Variants in SLC39A12 observed in about 807,000 individuals in gnomAD.
The protein encoded by SLC39A12 is solute carrier family 39 member 12, also known as zinc transporter ZIP12.
Under a neutral mutation model 71.1 loss-of-function variants are expected in SLC39A12, and 63 were observed. That is an observed-to-expected ratio of 0.89 (90% confidence interval 0.72 to 1.09). The LOEUF (loss-of-function observed/expected upper bound fraction) is 1.09, where lower values mean the gene tolerates loss of function less well. Ranked by LOEUF, SLC39A12 falls within the 50% of genes least tolerant of loss-of-function variation. The probability of loss-of-function intolerance (pLI) is 0.00; values close to 1 mark genes in which losing one functional copy is unlikely to be tolerated. For missense variants in SLC39A12, 892 were observed against 812.6 expected (o/e 1.10, Z -1.19); for synonymous variants, 351 against 301.3 (o/e 1.16, Z -1.71).
intron 2 of SLC39A12, among the ~76,000 whole-genome samples, chr10:17,960,168 A>T (rs1318432534): frequency 3.3e-5 from 5 of 152,052 alleles, no homozygotes; most frequent in African/African-American, 7.2e-5. Flanking sequence ...GAAACCAAAA[A>T]TTTTTTTTAA....
At chr10:17,995,285 A>G (rs757923723) in intron 9 of SLC39A12, among the ~76,000 whole-genome samples, 3 of 152,206 alleles carry the variant, frequency 2.0e-5, no homozygotes, top group Non-Finnish European at 2.9e-5. Flanking sequence ...TAAGTCCACA[A>G]TCCACCATAC....
chr10:18,039,528 G>C (rs1837159750), intron 12 of SLC39A12, among the ~76,000 whole-genome samples: 2 of 152,158 alleles, frequency 1.3e-5, no homozygotes, highest in Non-Finnish European at 2.9e-5. Flanking sequence ...CGGCATTTGT[G>C]ATCAGCCTAG....
At chr10:18,016,143 T>C (rs1836375189) in intron 12 of SLC39A12, among the ~76,000 whole-genome samples, 1 of 152,202 alleles carries the variant, frequency 6.6e-6, no homozygotes, top group Non-Finnish European at 1.5e-5. Context: ...CACCATTGTA[T>C]CATACGGAAT....
In SLC39A12 at chr10:18,036,779, TATATATA is replaced by T. The variant is rs1837050779; in HGVS notation, c.1948-5925_1948-5919del. ...ATATATATATATATATATATATATA[TATATATA>T]TATATATATTTTTTTTTTTAATGGA... On this transcript the variant is annotated intron_variant, in intron 12 of 12. Coordinates refer to ENST00000377369, the MANE Select transcript of SLC39A12 (RefSeq NM_001145195.2). 7.2e-4 allele frequency among the ~76,000 whole-genome samples: 12 copies of T among 16,570 alleles called. 1 individual carries two copies. Among genetic ancestry groups the T allele is most frequent in the African/African-American group, 1.9e-3 (11 of 5,796 alleles). The allele number at this position is 16,570 out of a possible 152,430, so 10.9% of individuals were successfully genotyped here. A position where few individuals can be genotyped will look rare whatever the true frequency, so the allele number is the denominator to read the frequency against.
intron 12 of SLC39A12, among the ~76,000 whole-genome samples, chr10:18,041,025 G>A (rs1193478657): frequency 6.6e-6 from 1 of 152,026 alleles, no homozygotes; most frequent in Non-Finnish European, 1.5e-5. Flanking sequence ...TCACAATGAA[G>A]GATGATCTGG....
At position 18,007,679 on chromosome 10, in the gene SLC39A12, T is replaced by C. The variant is rs188945510; in HGVS notation, c.1947+4321T>C. On this transcript the variant is annotated intron_variant, in intron 12 of 12. Coordinates refer to ENST00000377369, the MANE Select transcript of SLC39A12 (RefSeq NM_001145195.2). ...GGTTGGATTATTCATTCCCCCCCCT[T>C]TTTAGACCATATGGGGTAATGTCCT... Among the ~76,000 whole-genome samples the C allele has an allele frequency of 1.6e-3, 246 of 152,304 alleles. 2 individuals carry two copies. Among genetic ancestry groups the C allele is most frequent in the African/African-American group, 5.7e-3 (237 of 41,584 alleles).
At chr10:18,020,142 C>G (rs552750948) in intron 12 of SLC39A12, among the ~76,000 whole-genome samples, 1 of 152,144 alleles carries the variant, frequency 6.6e-6, no homozygotes, top group East Asian at 1.9e-4. Context: ...CACCCTCCAC[C>G]TTAATTAAGC....
intron 12 of SLC39A12, among the ~76,000 whole-genome samples, chr10:18,038,382 G>A (rs1420002605): frequency 6.6e-6 from 1 of 152,098 alleles, no homozygotes; most frequent in Non-Finnish European, 1.5e-5. Flanking sequence ...TTAAAAATTT[G>A]GGACAATTTT....
Position 17,965,573 on chromosome 10 carries a change from A to G in SLC39A12, c.634A>G (p.Ile212Val). The change falls in exon 4 of 13, where the codon ATC becomes GTC. Residue 212 changes from isoleucine to valine, a missense_variant. By Grantham distance (29) the Ile-to-Val change is conservative. Coordinates refer to ENST00000377369, the MANE Select transcript of SLC39A12 (RefSeq NM_001145195.2). ...TACGCTTCCTCAGTTGGCAGCCATGATCATTACTTTGTCCCTCCAGGGTGT... is the reference window on the plus strand; with the variant it reads ...TACGCTTCCTCAGTTGGCAGCCATGGTCATTACTTTGTCCCTCCAGGGTGT... ...ESTLPQLAAM[I>V]ITLSLQGVCL... 1.9e-6 allele frequency: 3 copies of G among 1,614,196 alleles called. No individual in the cohort carries two copies. The highest frequency in any genetic ancestry group is 2.5e-6 in the Non-Finnish European group (3 of 1,180,008).
chr10:17,953,590 T>C, intron 2 of SLC39A12, 53 bp downstream of exon 2: 1 of 1,584,254 alleles, frequency 6.3e-7, no homozygotes, highest in Non-Finnish European at 8.6e-7. Context: ...AAGAAAGCAA[T>C]GGATTCTATA....
chr10:17,997,022 CAAA>C (rs71924913), intron 10 of SLC39A12, among the ~76,000 whole-genome samples: 1 of 115,548 alleles, frequency 8.7e-6, no homozygotes. Flanking sequence ...GACTCCGTCT[CAAA>C]AAAAAAAAAA....
intron 12 of SLC39A12, among the ~76,000 whole-genome samples, chr10:18,020,210 A>G (rs542650440): frequency 6.6e-6 from 1 of 152,216 alleles, no homozygotes; most frequent in African/African-American, 2.4e-5. Flanking sequence ...ATAAGTGAGA[A>G]CATGCGGTAT....
chr10:18,038,018 C>CA (rs763211521), intron 12 of SLC39A12, among the ~76,000 whole-genome samples: 779 of 14,970 alleles, frequency 0.052, 309 homozygotes, highest in East Asian at 0.072. Flanking sequence ...GCCTCCATCT[C>CA]AAAAAAAAAA....
At chr10:17,976,026 C>G (rs144473729) in intron 4 of SLC39A12, among the ~76,000 whole-genome samples, 34 of 152,306 alleles carry the variant, frequency 2.2e-4, no homozygotes, top group African/African-American at 7.9e-4. Flanking sequence ...CTGCACCACA[C>G]TGCTGCTACT....
chr10:17,953,874 G>A (rs879956234), intron 2 of SLC39A12, among the ~76,000 whole-genome samples: 60 of 152,304 alleles, frequency 3.9e-4, no homozygotes, highest in Non-Finnish European at 5.6e-4. Context: ...GCACTTGCAC[G>A]TGACTAGTTT....
At chr10:18,038,146 C>G (rs1837116727) in intron 12 of SLC39A12, among the ~76,000 whole-genome samples, 1 of 144,778 alleles carries the variant, frequency 6.9e-6, no homozygotes, top group African/African-American at 2.6e-5. Context: ...ACATTGTATT[C>G]CATGTAAATG....
intron 2 of SLC39A12, among the ~76,000 whole-genome samples, chr10:17,956,202 A>G (rs1834544386): frequency 6.6e-6 from 1 of 152,108 alleles, no homozygotes; most frequent in Non-Finnish European, 1.5e-5. Context: ...GATCACATGG[A>G]CACATATGCC....
chr10:17,994,692 G>A (rs1036679894), intron 9 of SLC39A12, among the ~76,000 whole-genome samples: 1 of 152,046 alleles, frequency 6.6e-6, no homozygotes, highest in Non-Finnish European at 1.5e-5. Context: ...TATCCTACAG[G>A]CTCTACCTTA....
intron 12 of SLC39A12, 51 bp from the exon 13 acceptor site, chr10:18,042,654 C>T: frequency 6.5e-7 from 1 of 1,545,098 alleles, no homozygotes; most frequent in Non-Finnish European, 8.7e-7. Context: ...AAGCTTTTCC[C>T]AGCAGTTGAA....
Sources: gnomAD v4.1 joint callset for allele counts (sites outside exome capture counted in the v4.1 genomes callset) on GRCh38, gnomAD v4.1.1 for gene constraint, MANE v1.5 for transcripts, NCBI Gene and HGNC (gene_info 2026-07-23, HGNC 2026-07-21) for gene names.